The following ADRA1A variants were observed in gnomAD, a reference collection of about 807,000 sequenced individuals.
ADRA1A encodes the protein alpha-1A adrenergic receptor.
A neutral mutation model predicts 29.6 loss-of-function variants in ADRA1A; 31 were observed. The observed-to-expected ratio is 1.05, with a 90% CI of 0.79 to 1.41. The LOEUF (loss-of-function observed/expected upper bound fraction) is 1.41. Among genes scored for constraint, ADRA1A ranks in the 40% most tolerant of loss-of-function variants. The pLI is 0.00. For synonymous variants in ADRA1A, 311 were observed against 254.3 expected (o/e 1.22, Z -2.12); for missense variants, 619 against 601.1 (o/e 1.03, Z -0.31).
intron 2 of ADRA1A, among the ~76,000 whole-genome samples, chr8:26,822,925 C>T (rs1046371195): frequency 6.6e-6 from 1 of 152,146 alleles, no homozygotes; most frequent in African/African-American, 2.4e-5. Context: ...AGCTCACTAT[C>T]ATGATGACAG....
intron 2 of ADRA1A, among the ~76,000 whole-genome samples, chr8:26,792,835 AC>A (rs1807928668): frequency 6.7e-6 from 1 of 149,628 alleles, no homozygotes; most frequent in Non-Finnish European, 1.5e-5. Context: ...ATCCATGCTC[AC>A]CCTTTCATGA....
intron 2 of ADRA1A, among the ~76,000 whole-genome samples, chr8:26,795,292 C>T (rs1024498385): frequency 4.0e-5 from 6 of 151,878 alleles, no homozygotes; most frequent in Non-Finnish European, 7.4e-5. Context: ...ATGTGAGACT[C>T]GATAAGCATT....
intron 2 of ADRA1A, among the ~76,000 whole-genome samples, chr8:26,842,635 C>T (rs1234554172): frequency 1.3e-5 from 2 of 152,100 alleles, no homozygotes; most frequent in Admixed American, 6.5e-5. Context: ...CACTGCAGAC[C>T]GGATCTTATT....
intron 2 of ADRA1A, among the ~76,000 whole-genome samples, chr8:26,786,559 C>T (rs906835960): frequency 6.6e-6 from 1 of 152,112 alleles, no homozygotes; most frequent in Non-Finnish European, 1.5e-5. Context: ...AACCTGATCT[C>T]TTGATCTATG....
At chr8:26,818,849 C>A (rs536281757) in intron 2 of ADRA1A, among the ~76,000 whole-genome samples, 2 of 151,918 alleles carry the variant, frequency 1.3e-5, no homozygotes, top group South Asian at 4.2e-4. Context: ...GAAATGTTAT[C>A]AGGTAAAATA....
At chr8:26,855,553 G>A (rs1812986095) in intron 2 of ADRA1A, among the ~76,000 whole-genome samples, 1 of 152,014 alleles carries the variant, frequency 6.6e-6, no homozygotes, top group Non-Finnish European at 1.5e-5. Flanking sequence ...CACGGGGAGG[G>A]GAACATCACA....
intron 2 of ADRA1A, among the ~76,000 whole-genome samples, chr8:26,837,277 C>A (rs2170406): frequency 0.24 from 36,497 of 152,006 alleles, 4,828 homozygotes; most frequent in East Asian, 0.45. Context: ...TCTCCAAGTG[C>A]GGTGCAGAGT....
intron 2 of ADRA1A, among the ~76,000 whole-genome samples, chr8:26,785,877 T>C (rs1563251212): frequency 6.6e-6 from 1 of 152,174 alleles, no homozygotes. Flanking sequence ...CTTCTTGACG[T>C]CTTCAGTAGA....
In ADRA1A at chr8:26,823,382, G is replaced by C. The variant is rs1427952857; in HGVS notation, c.883+40705C>G. ...CATCATCAAGATAGGTCATGAATGG[G>C]AATGCACACCAGTGTAATATCTTTG... On this transcript the variant is annotated intron_variant, in intron 2 of 2. Transcript: ENST00000380573. This position sits in a 1 kb window ranked among gnomAD's most constrained non-coding sequence, Gnocchi z 4.2. Among the ~76,000 whole-genome samples, 7 of 152,132 alleles carry C rather than the reference G, an allele frequency of 4.6e-5. No individual in the cohort carries two copies. Among genetic ancestry groups the C allele is most frequent in the Non-Finnish European group, 7.4e-5 (5 of 68,024 alleles).
chr8:26,863,635 A>G (rs554773269), intron 2 of ADRA1A, among the ~76,000 whole-genome samples: 1 of 152,228 alleles, frequency 6.6e-6, no homozygotes, highest in African/African-American at 2.4e-5. Context: ...ATGCAATAAT[A>G]AAATCACACA....
chr8:26,777,544 C>T (rs147253334), intron 2 of ADRA1A, among the ~76,000 whole-genome samples: 2 of 152,258 alleles, frequency 1.3e-5, no homozygotes, highest in Non-Finnish European at 2.9e-5. Flanking sequence ...GGAAGGACTT[C>T]GCTAGTCTTT....
chr8:26,777,197 T>C (rs1806612711), intron 2 of ADRA1A, among the ~76,000 whole-genome samples: 1 of 152,202 alleles, frequency 6.6e-6, no homozygotes, highest in Non-Finnish European at 1.5e-5. Context: ...AAGAAGTTTT[T>C]AGATTATCTA....
rs900424487 is a variant in ADRA1A, at chr8:26,850,133, G to A, written c.883+13954C>T. On this transcript the variant is annotated intron_variant, in intron 2 of 2. Transcript: ENST00000380573. ...TCATCATTAAAGGAGGCTGCCTTTG[G>A]CTTTAGAGCAAAAGGTGCACTGGAT... 2.0e-5 allele frequency among the ~76,000 whole-genome samples: 3 copies of A among 151,794 alleles called. No homozygotes were observed. In the East Asian group the frequency reaches 5.8e-4, roughly 29 times the overall value.
rs893470142 is a variant in ADRA1A, at chr8:26,815,037, T to A, written c.884-44371A>T. Among the ~76,000 whole-genome samples, 2 of 152,202 alleles carry A rather than the reference T, an allele frequency of 1.3e-5. No individual in the cohort carries two copies. The highest frequency in any genetic ancestry group is 4.8e-5 in the African/African-American group (2 of 41,448). ...AGACAGGCTTCTCCCCTGATATCAA[T>A]CCTTATGTATTTAACTCACTGTAGT... On this transcript the variant is annotated intron_variant, in intron 2 of 2. Coordinates refer to ENST00000380573, the MANE Select transcript of ADRA1A (RefSeq NM_000680.4). The surrounding 1 kb of genome is among the most constrained non-coding windows in gnomAD (Gnocchi z 4.2).
intron 2 of ADRA1A, among the ~76,000 whole-genome samples, chr8:26,836,451 A>G (rs1438579944): frequency 6.6e-6 from 1 of 152,184 alleles, no homozygotes; most frequent in Non-Finnish European, 1.5e-5. Context: ...ACTGTTATCT[A>G]CACCGTGAAG....
chr8:26,820,037 A>G (rs768768147), intron 2 of ADRA1A, among the ~76,000 whole-genome samples: 31 of 152,226 alleles, frequency 2.0e-4, no homozygotes, highest in Admixed American at 3.9e-4. Flanking sequence ...TAAAGGGGTC[A>G]ATTAACCATG....
chr8:26,770,151 A>G lies in ADRA1A; in HGVS notation c.1399T>C (p.Ter467GlnextTer45). The change falls in exon 3 of 3, where the codon TAG becomes CAG. Residue 467 changes from the stop codon to glutamine, a stop_lost. Transcript: ENST00000380573. ...CTTTCCTCTGCATCTTTCCTGTCCTAGACTTCCTCCCCGTTCTCACTGAGG... is the reference window on the plus strand; with the variant it reads ...CTTTCCTCTGCATCTTTCCTGTCCTGGACTTCCTCCCCGTTCTCACTGAGG... Reference protein sequence around the residue: ...ISLSENGEEV* With the variant: ...ISLSENGEEVQ 6.5e-7 allele frequency: 1 copy of G among 1,544,682 alleles called. No homozygotes were observed. Among genetic ancestry groups the G allele is most frequent in the Non-Finnish European group, 8.7e-7 (1 of 1,145,720 alleles).
intron 2 of ADRA1A, among the ~76,000 whole-genome samples, chr8:26,838,721 C>T (rs79103153): frequency 0.012 from 1,898 of 152,292 alleles, 13 homozygotes; most frequent in Middle Eastern, 0.027. Flanking sequence ...ATGTAGATGC[C>T]ATTACTATCA....
intron 2 of ADRA1A, among the ~76,000 whole-genome samples, chr8:26,808,672 T>A (rs1022003259): frequency 7.9e-5 from 12 of 152,244 alleles, no homozygotes. Flanking sequence ...AAGTATACAC[T>A]GAGATGTCAC....
Sources: allele counts gnomAD v4.1 joint callset (sites outside exome capture counted in the v4.1 genomes callset), GRCh38; gene constraint gnomAD v4.1.1; non-coding constraint Gnocchi (gnomAD v3.1); transcripts MANE v1.5; gene names NCBI Gene and HGNC (gene_info 2026-07-23, HGNC 2026-07-21).